The following ASH1L variants were observed in gnomAD, a reference collection of about 807,000 sequenced individuals.
ASH1L encodes the protein histone-lysine N-methyltransferase ASH1L.
ASH1L carries 23 observed loss-of-function variants against 269.0 expected under a neutral mutation model. That is an observed-to-expected ratio of 0.09 (90% confidence interval 0.06 to 0.12). The LOEUF (loss-of-function observed/expected upper bound fraction) is 0.12, where lower values mean the gene tolerates loss of function less well. Ranked by LOEUF, ASH1L falls within the 10% of genes least tolerant of loss-of-function variation. The pLI, the probability that ASH1L is intolerant of heterozygous loss-of-function variation, is 1.00. For missense variants in ASH1L, 2,912 were observed against 3,567.8 expected (o/e 0.82, Z 4.68); for synonymous variants, 1,187 against 1,253.5 (o/e 0.95, Z 1.12).
At chr1:155,533,470 T>G (rs1440867629) in intron 1 of ASH1L, among the ~76,000 whole-genome samples, 1 of 151,900 alleles carries the variant, frequency 6.6e-6, no homozygotes, top group East Asian at 1.9e-4. Context: ...TCACAGCACT[T>G]TGGGAGGCCG....
chr1:155,486,851 A>G (rs531538520), intron 2 of ASH1L, among the ~76,000 whole-genome samples: 4 of 151,976 alleles, frequency 2.6e-5, no homozygotes, highest in African/African-American at 9.6e-5. Context: ...CATGTATTAC[A>G]GTTTAAAAAA....
intron 2 of ASH1L, among the ~76,000 whole-genome samples, chr1:155,492,033 C>CTTT (rs747132753): frequency 3.6e-5 from 4 of 111,936 alleles, no homozygotes; most frequent in Non-Finnish European, 5.5e-5. Context: ...GTTTTGTTTA[C>CTTT]TTTTTTTTTT....
rs759259479 is a variant in ASH1L, at chr1:155,336,237, A to G, written c.*1423T>C. ...CTAAACGAGTCAGAGCATCGTCACCATAAGGGGAAATGTACAATTAGGACA... is the reference window on the plus strand; with the variant it reads ...CTAAACGAGTCAGAGCATCGTCACCGTAAGGGGAAATGTACAATTAGGACA... On this transcript the variant is annotated 3_prime_UTR_variant, in exon 28 of 28. Coordinates refer to ENST00000392403, the MANE Select transcript of ASH1L (RefSeq NM_018489.3). 1.3e-5 allele frequency: 2 copies of G among 152,562 alleles called. No individual in the cohort carries two copies. The highest frequency in any genetic ancestry group is 2.9e-5 in the Non-Finnish European group (2 of 68,004). 9.5% of individuals were successfully genotyped at this position (152,562 alleles called of 1,614,324 possible). A position where few individuals can be genotyped will look rare whatever the true frequency, so the allele number is the denominator to read the frequency against.
At chr1:155,472,882 T>C (rs1665212160) in intron 3 of ASH1L, among the ~76,000 whole-genome samples, 2 of 152,220 alleles carry the variant, frequency 1.3e-5, no homozygotes, top group African/African-American at 4.8e-5. Flanking sequence ...TTTTAAGCAC[T>C]ACTTTAAATA....
intron 6 of ASH1L, among the ~76,000 whole-genome samples, chr1:155,411,381 C>A (rs897276663): frequency 2.5e-4 from 38 of 151,054 alleles, no homozygotes; most frequent in African/African-American, 9.3e-4. Context: ...TATTTCAGTC[C>A]ATTTTCAGGT....
chr1:155,385,353 G>A (rs1657340816), intron 7 of ASH1L, among the ~76,000 whole-genome samples: 2 of 152,182 alleles, frequency 1.3e-5, no homozygotes, highest in South Asian at 4.1e-4. Context: ...TGAGGCAGGA[G>A]AAATCACTTG....
intron 19 of ASH1L, 145 bp from the exon 20 acceptor site, chr1:155,348,049 T>C (rs2148337560): frequency 1.1e-6 from 1 of 937,000 alleles, no homozygotes; most frequent in Non-Finnish European, 1.6e-6. Flanking sequence ...TATGGCCAGA[T>C]AGTTGGTAAC....
Position 155,343,183 on chromosome 1 carries a change from G to A in ASH1L, c.8293+131C>T, listed in dbSNP as rs375780140. 8.3e-6 allele frequency: 8 copies of A among 964,498 alleles called. No individual in the cohort carries two copies. The highest frequency in any genetic ancestry group is 5.0e-5 in the East Asian group (2 of 39,972). 59.7% of individuals were successfully genotyped at this position (964,498 alleles called of 1,614,324 possible). On this transcript the variant is annotated intron_variant, in intron 24 of 27. Transcript: ENST00000392403. This position sits in a 1 kb window ranked among gnomAD's most constrained non-coding sequence, Gnocchi z 6.1. The stretch of plus-strand genomic sequence containing the variant: ...AGCTACAGAGGCAGAGTTTTGCCAC[G>A]TTGGCCAGGCTGGTCTCACACTCCT...
At position 155,521,348 on chromosome 1, in the gene ASH1L, T is replaced by C. The variant is rs765334229; in HGVS notation, c.172A>G (p.Ile58Val). Residue 58 changes from isoleucine to valine, a missense_variant, in exon 2 of 28, where the codon ATC becomes GTC. Ile to Val is a conservative substitution (Grantham distance 29). This residue lies in a region of ASH1L where 115 missense variants were observed against 101.5 expected (regional missense o/e 1.13). Coordinates refer to ENST00000392403, the MANE Select transcript of ASH1L (RefSeq NM_018489.3). ...AAACCATCATCTTTCCCAGCTTCGATGTTTCTTTCTCGATTCCGTTTGCGA... is the reference window on the plus strand; with the variant it reads ...AAACCATCATCTTTCCCAGCTTCGACGTTTCTTTCTCGATTCCGTTTGCGA... Reference protein sequence around the residue: ...DLRKRNRERNIEAGKDDGLTD... With the variant: ...DLRKRNRERNVEAGKDDGLTD... The C allele has an allele frequency of 2.5e-6, 4 of 1,614,072 alleles. No homozygotes were observed. In the African/African-American group the frequency reaches 4.0e-5, roughly 16 times the overall value.
At chr1:155,346,255 AAACCAAGGCCCAGAGAGGCTG>A in intron 21 of ASH1L, 107 bp downstream of exon 21, 4 of 1,567,972 alleles carry the variant, frequency 2.6e-6, no homozygotes, top group Non-Finnish European at 3.5e-6. Flanking sequence ...AAAGTTTAAG[AAACCAAGGCCCAGAGAGGCTG>A]AACAACCTAT....
At chr1:155,511,664 C>T (rs1004121814) in intron 2 of ASH1L, among the ~76,000 whole-genome samples, 1 of 152,192 alleles carries the variant, frequency 6.6e-6, no homozygotes, top group African/African-American at 2.4e-5. Context: ...AGCCACCACA[C>T]CCAGCTAATT....
intron 6 of ASH1L, chr1:155,396,291 T>C (rs915698016): frequency 6.6e-5 from 10 of 152,104 alleles, no homozygotes; most frequent in Non-Finnish European, 1.2e-4. Flanking sequence ...ATGACTATAT[T>C]TTAGCTTAAA....
At chr1:155,415,621 G>T in intron 6 of ASH1L, 123 bp downstream of exon 6, 2 of 1,144,378 alleles carry the variant, frequency 1.7e-6, no homozygotes, top group Admixed American at 2.1e-5. Flanking sequence ...TCATACATGA[G>T]TGCAAAAACA....
At chr1:155,484,790 G>A (rs1358167784) in intron 2 of ASH1L, among the ~76,000 whole-genome samples, 8 of 151,218 alleles carry the variant, frequency 5.3e-5, no homozygotes, top group African/African-American at 1.9e-4. Flanking sequence ...TCAGCCGGAC[G>A]TGGTGGCGGG....
chr1:155,448,056 G>T (rs1043793473), intron 4 of ASH1L, among the ~76,000 whole-genome samples: 1 of 152,162 alleles, frequency 6.6e-6, no homozygotes, highest in Non-Finnish European at 1.5e-5. Flanking sequence ...AGAGACAGGG[G>T]TCAAGTTTTT....
rs1163619439 is a variant in ASH1L, at chr1:155,335,457, A to T, written c.*2203T>A. ...CAGCATTTATATTTTCCGCAATCAC[A>T]CAGCCTACAGACATGCAGACTAACT... On this transcript the variant is annotated 3_prime_UTR_variant, in exon 28 of 28. Transcript: ENST00000392403. 2 of 152,786 alleles carry T rather than the reference A, an allele frequency of 1.3e-5. No individual in the cohort carries two copies. Among genetic ancestry groups the T allele is most frequent in the Non-Finnish European group, 2.9e-5 (2 of 68,040 alleles). The allele number at this position is 152,786 out of a possible 1,614,324, so 9.5% of individuals were successfully genotyped here. A position where few individuals can be genotyped will look rare whatever the true frequency, so the allele number is the denominator to read the frequency against.
intron 5 of ASH1L, among the ~76,000 whole-genome samples, chr1:155,418,807 C>T (rs1010330914): frequency 2.0e-5 from 3 of 151,976 alleles, no homozygotes; most frequent in African/African-American, 4.8e-5. Flanking sequence ...CAGTGGCTCA[C>T]GCCTGTAATC....
intron 12 of ASH1L, among the ~76,000 whole-genome samples, chr1:155,369,926 T>C (rs1288123273): frequency 6.6e-6 from 1 of 151,958 alleles, no homozygotes; most frequent in Admixed American, 6.6e-5. Flanking sequence ...CACGCTACCA[T>C]GAGTGGCTAA....
At position 155,482,465 on chromosome 1, in the gene ASH1L, GA is replaced by G. The variant is rs746405823; in HGVS notation, c.421-17del. ...TTGAAGGGTCCTAAAATTTGAACAA[GA>G]AAAAAGTTAAAGAGGGAGTAAACCT... On this transcript the variant is annotated splice_polypyrimidine_tract_variant and intron_variant, in intron 2 of 27. Coordinates refer to ENST00000392403, the MANE Select transcript of ASH1L (RefSeq NM_018489.3). 1.3e-6 allele frequency: 2 copies of G among 1,583,970 alleles called. No homozygotes were observed. The highest frequency in any genetic ancestry group is 2.3e-5 in the South Asian group (2 of 86,018).
Sources: gnomAD v4.1 joint callset for allele counts (sites outside exome capture counted in the v4.1 genomes callset) on GRCh38, gnomAD v4.1.1 for gene constraint, gnomAD v4.1.1 regional missense constraint, Gnocchi (gnomAD v3.1) non-coding constraint, MANE v1.5 for transcripts, NCBI Gene and HGNC (gene_info 2026-07-23, HGNC 2026-07-21) for gene names.